Variants in ST3GAL2 observed in about 807,000 individuals in gnomAD.
ST3GAL2 encodes the protein ST3 beta-galactoside alpha-2,3-sialyltransferase 2, also known as CMP-N-acetylneuraminate-beta-galactosamide-alpha-2,3-sialyltransferase 2.
A neutral mutation model predicts 37.5 loss-of-function variants in ST3GAL2; 16 were observed. The observed-to-expected ratio is 0.43, with a 90% CI of 0.29 to 0.65. The LOEUF (loss-of-function observed/expected upper bound fraction) is 0.65. Among genes scored for constraint, ST3GAL2 ranks in the 30% least tolerant of loss-of-function variants. ST3GAL2 has a pLI of 0.17. For synonymous variants in ST3GAL2, 238 were observed against 202.9 expected (o/e 1.17, Z -1.47); for missense variants, 383 against 487.8 (o/e 0.79, Z 2.02).
At chr16:70,438,247 G>A (rs1186364965) in intron 1 of ST3GAL2, among the ~76,000 whole-genome samples, 3 of 152,172 alleles carry the variant, frequency 2.0e-5, no homozygotes, top group Non-Finnish European at 4.4e-5. Flanking sequence ...GCTGTAGCAG[G>A]GGGTGGGAAG....
intron 1 of ST3GAL2, among the ~76,000 whole-genome samples, chr16:70,409,933 G>T (rs1452896942): frequency 6.8e-6 from 1 of 146,522 alleles, no homozygotes; most frequent in African/African-American, 2.5e-5. Flanking sequence ...TACTTTTGTT[G>T]TTTTTTTTGT....
chr16:70,400,302 G>C (rs1324828996), intron 1 of ST3GAL2: 1 of 152,388 alleles, frequency 6.6e-6, no homozygotes. Context: ...AAGGAGCTCA[G>C]ATCCATGCCA....
intron 1 of ST3GAL2, among the ~76,000 whole-genome samples, chr16:70,419,001 G>A (rs1241737195): frequency 2.0e-5 from 3 of 152,168 alleles, no homozygotes; most frequent in Admixed American, 6.5e-5. Flanking sequence ...CCCAACCCGG[G>A]CGAGTCGCAC....
At chr16:70,424,465 G>A (rs1029848671) in intron 1 of ST3GAL2, among the ~76,000 whole-genome samples, 3 of 151,680 alleles carry the variant, frequency 2.0e-5, no homozygotes, top group African/African-American at 7.3e-5. Context: ...GCCAGGCGTG[G>A]TGGTGCATGC....
chr16:70,389,887 C>T (rs1245396326), intron 3 of ST3GAL2, among the ~76,000 whole-genome samples: 3 of 147,682 alleles, frequency 2.0e-5, no homozygotes, highest in Non-Finnish European at 4.5e-5. Flanking sequence ...CCTGGGTTCA[C>T]GCCATTCTCC....
chr16:70,412,779 G>A (rs1247722762), intron 1 of ST3GAL2, among the ~76,000 whole-genome samples: 1 of 152,166 alleles, frequency 6.6e-6, no homozygotes, highest in African/African-American at 2.4e-5. Context: ...GGGCATGGTG[G>A]CTCATACCTG....
intron 3 of ST3GAL2, among the ~76,000 whole-genome samples, chr16:70,389,681 G>T (rs1228405245): frequency 6.6e-6 from 1 of 152,150 alleles, no homozygotes; most frequent in Non-Finnish European, 1.5e-5. Flanking sequence ...AGCCAGGATG[G>T]TCTCCATCTA....
intron 1 of ST3GAL2, among the ~76,000 whole-genome samples, chr16:70,412,544 T>G (rs1166778165): frequency 6.6e-6 from 1 of 152,154 alleles, no homozygotes; most frequent in Non-Finnish European, 1.5e-5. Flanking sequence ...CTCAGGAGGC[T>G]GAGGTGGGAG....
intron 4 of ST3GAL2, among the ~76,000 whole-genome samples, chr16:70,384,458 G>A (rs2047428047): frequency 6.6e-6 from 1 of 152,180 alleles, no homozygotes; most frequent in Admixed American, 6.5e-5. Flanking sequence ...TGTAATCCCA[G>A]CACTTTGGGA....
At chr16:70,419,044 C>G (rs1171756358) in intron 1 of ST3GAL2, among the ~76,000 whole-genome samples, 1 of 152,180 alleles carries the variant, frequency 6.6e-6, no homozygotes, top group African/African-American at 2.4e-5. Context: ...ATTCCCTCCC[C>G]CTCTCCCAAC....
In ST3GAL2 at chr16:70,380,451, G is replaced by T. The variant is rs760496994; in HGVS notation, c.*1238C>A. The T allele has an allele frequency of 6.6e-6, 1 of 152,308 alleles. No individual in the cohort carries two copies. Among genetic ancestry groups the T allele is most frequent in the Non-Finnish European group, 1.5e-5 (1 of 68,126 alleles). 9.4% of individuals were successfully genotyped at this position (152,308 alleles called of 1,614,324 possible). A position where few individuals can be genotyped will look rare whatever the true frequency, so the allele number is the denominator to read the frequency against. On this transcript the variant is annotated 3_prime_UTR_variant, in exon 7 of 7. Coordinates refer to ENST00000342907, the MANE Select transcript of ST3GAL2 (RefSeq NM_006927.4). The stretch of plus-strand genomic sequence containing the variant: ...CTCCTAAACCTCCCCAGCTTCGAAG[G>T]GGGAGAATTCCACCAGCAGCCCCGT...
Position 70,399,692 on chromosome 16 carries a change from A to G in ST3GAL2, c.-1003-159T>C, listed in dbSNP as rs2151664496. 8.2e-6 allele frequency: 3 copies of G among 366,408 alleles called. No homozygotes were observed. In the Middle Eastern group the frequency reaches 2.1e-3, roughly 251 times the overall value. 22.7% of individuals were successfully genotyped at this position (366,408 alleles called of 1,614,324 possible). ...GGCTCTGCCCTCTAGCTGCACAGAT[A>G]GCATCACTGTGTGGGACTCCAGGGC... On this transcript the variant is annotated intron_variant, in intron 1 of 6. Coordinates refer to ENST00000342907, the MANE Select transcript of ST3GAL2 (RefSeq NM_006927.4).
intron 3 of ST3GAL2, among the ~76,000 whole-genome samples, chr16:70,394,179 G>A (rs1016622841): frequency 2.0e-5 from 3 of 152,132 alleles, no homozygotes; most frequent in African/African-American, 4.8e-5. Flanking sequence ...CCTTCCTCAC[G>A]GCTGGGCATA....
intron 3 of ST3GAL2, among the ~76,000 whole-genome samples, chr16:70,389,780 T>G (rs1024175877): frequency 1.4e-5 from 2 of 146,518 alleles, no homozygotes; most frequent in South Asian, 4.3e-4. Flanking sequence ...TTTGTTTGGG[T>G]TTTTTGTTTG....
chr16:70,404,982 G>A (rs1405133584), intron 1 of ST3GAL2, among the ~76,000 whole-genome samples: 4 of 149,638 alleles, frequency 2.7e-5, no homozygotes, highest in South Asian at 2.1e-4. Context: ...GCAGTGAGCC[G>A]AGATCGCACC....
intron 2 of ST3GAL2, 68 bp from the exon 3 acceptor site, chr16:70,395,243 C>T (rs2047507850): frequency 7.1e-7 from 1 of 1,413,520 alleles, no homozygotes; most frequent in East Asian, 2.4e-5. Context: ...GGGGCCCCGG[C>T]CTCCCCTCCT....
At chr16:70,423,605 C>A (rs2047730531) in intron 1 of ST3GAL2, among the ~76,000 whole-genome samples, 1 of 152,148 alleles carries the variant, frequency 6.6e-6, no homozygotes, top group South Asian at 2.1e-4. Context: ...TCTTCTACCT[C>A]CTGGCTTGGG....
intron 1 of ST3GAL2, among the ~76,000 whole-genome samples, chr16:70,434,086 A>G (rs566565235): frequency 6.6e-6 from 1 of 152,256 alleles, no homozygotes; most frequent in South Asian, 2.1e-4. Flanking sequence ...CCTCCCAGGA[A>G]CAGCAACTTG....
chr16:70,407,004 C>G (rs139914696), intron 1 of ST3GAL2, among the ~76,000 whole-genome samples: 1 of 152,104 alleles, frequency 6.6e-6, no homozygotes, highest in Non-Finnish European at 1.5e-5. Context: ...GTGGCAAAGC[C>G]GAGCAAGCGG....
Sources: gnomAD v4.1 joint callset for allele counts (sites outside exome capture counted in the v4.1 genomes callset) on GRCh38, gnomAD v4.1.1 for gene constraint, MANE v1.5 for transcripts, NCBI Gene and HGNC (gene_info 2026-07-23, HGNC 2026-07-21) for gene names.